The following CCDC112 variants were observed in gnomAD, a reference collection of about 807,000 sequenced individuals.
CCDC112 encodes coiled-coil domain-containing protein 112.
A neutral mutation model predicts 66.3 loss-of-function variants in CCDC112; 40 were observed. That is an observed-to-expected ratio of 0.60 (90% confidence interval 0.47 to 0.79). CCDC112 has a LOEUF of 0.79. Among genes scored for constraint, CCDC112 ranks in the 30% least tolerant of loss-of-function variants. The probability of loss-of-function intolerance (pLI) is 0.00; values close to 1 mark genes in which losing one functional copy is unlikely to be tolerated. For synonymous variants in CCDC112, 214 were observed against 197.2 expected, an observed-to-expected ratio of 1.09 and a Z score of -0.71; for missense variants, 659 against 603.8, an observed-to-expected ratio of 1.09 and a Z score of -0.96.
At chr5:115,281,148 CG>C (rs1749439308) in intron 2 of CCDC112, among the ~76,000 whole-genome samples, 1 of 151,924 alleles carries the variant, frequency 6.6e-6, no homozygotes, top group African/African-American at 2.4e-5. Context: ...CTCAGCCTCC[CG>C]AGTAACTGGG....
At position 115,275,977 on chromosome 5, in the gene CCDC112, A is replaced by G; in HGVS notation, c.527+17T>C. Reference sequence around the variant, plus strand: ...TAAAGGTCAATAATTTTATATTAAAATGAGTTTAAAACATACATCAACCTC... The same window carrying G: ...TAAAGGTCAATAATTTTATATTAAAGTGAGTTTAAAACATACATCAACCTC... On this transcript the variant is annotated intron_variant, in intron 5 of 9. Transcript: ENST00000379611. 6.6e-7 allele frequency: 1 copy of G among 1,522,292 alleles called. No homozygotes were observed. Among genetic ancestry groups the G allele is most frequent in the East Asian group, 2.3e-5 (1 of 43,930 alleles). 94.3% of individuals were successfully genotyped at this position (1,522,292 alleles called of 1,614,324 possible).
At chr5:115,290,874 G>GT (rs368552311) in intron 1 of CCDC112, among the ~76,000 whole-genome samples, 13 of 151,804 alleles carry the variant, frequency 8.6e-5, no homozygotes, top group African/African-American at 2.4e-4. Context: ...TTTCTAGTAA[G>GT]TTTTTTTTGT....
intron 9 of CCDC112, 95 bp from the exon 10 acceptor site, chr5:115,268,013 T>G: frequency 1.1e-6 from 1 of 902,714 alleles, no homozygotes; most frequent in Non-Finnish European, 1.8e-6. Flanking sequence ...AATATATATA[T>G]AACCTACCCT....
chr5:115,275,236 G>T lies in CCDC112; in HGVS notation c.898C>A (p.Leu300Ile), dbSNP rs1408645240. 2.5e-6 allele frequency: 4 copies of T among 1,607,144 alleles called. No individual in the cohort carries two copies. The highest frequency in any genetic ancestry group is 1.3e-5 in the African/African-American group (1 of 74,164). Reference protein sequence around the residue: ...HEKWYQKFLALEERKKESIQI... With the variant: ...HEKWYQKFLAIEERKKESIQI... ...ATTACCTCTTTTTTTCTTTCTTCTA[G>T]AGCCAGAAACTTTTGATACCATTTT... Residue 300 changes from leucine (L) to isoleucine (I), a missense_variant, in exon 6 of 10, where the codon CTA becomes ATA. Transcript: ENST00000379611.
In CCDC112 at chr5:115,291,745, T is replaced by C. The variant is rs188174202; in HGVS notation, c.117+4682A>G. ...TTGTTTGCCTCAGTATGTCTTAAAT[T>C]CTTCTTCAATCTTACAGAATAATTT... is the stretch of plus-strand genomic sequence containing the variant. On this transcript the variant is annotated intron_variant, in intron 1 of 9. Transcript: ENST00000379611. Among the ~76,000 whole-genome samples, 248 of 152,340 alleles carry C rather than the reference T, an allele frequency of 1.6e-3. 1 individual carries two copies. Among genetic ancestry groups the C allele is most frequent in the Admixed American group, 0.014 (209 of 15,308 alleles).
intron 1 of CCDC112, among the ~76,000 whole-genome samples, chr5:115,289,780 T>A (rs2127074233): frequency 6.6e-6 from 1 of 152,274 alleles, no homozygotes; most frequent in South Asian, 2.1e-4. Context: ...ACCTCCCCAG[T>A]TCAAGTGATC....
intron 3 of CCDC112, among the ~76,000 whole-genome samples, chr5:115,278,908 T>A (rs916682001): frequency 6.6e-6 from 1 of 152,172 alleles, no homozygotes; most frequent in Non-Finnish European, 1.5e-5. Context: ...AGTTATTTGA[T>A]AACCATTATT....
intron 1 of CCDC112, among the ~76,000 whole-genome samples, chr5:115,295,287 C>T (rs1475329522): frequency 6.6e-6 from 1 of 152,104 alleles, no homozygotes; most frequent in African/African-American, 2.4e-5. Context: ...CAGAACATTG[C>T]TACAAGAATT....
rs771555774 is a variant in CCDC112, at chr5:115,275,369, G to A, written c.765C>T (p.His255=). ...TGTTTCTCACCTTTACAAAGTTCTG[G>A]TGATCATAATCATCCCAGGCACCTT... The part of the protein sequence containing the change: ...GRQGAWDDYD[H]QNFVKVRNKH... Residue 255 remains histidine, a synonymous_variant, in exon 6 of 10, where the codon CAC becomes CAT. Transcript: ENST00000379611. 3 of 1,613,922 alleles carry A rather than the reference G, an allele frequency of 1.9e-6. No individual in the cohort carries two copies. Among genetic ancestry groups the A allele is most frequent in the Middle Eastern group, 1.6e-4 (1 of 6,062 alleles).
chr5:115,282,935 G>A (rs909263492), intron 2 of CCDC112, among the ~76,000 whole-genome samples: 1 of 152,098 alleles, frequency 6.6e-6, no homozygotes, highest in African/African-American at 2.4e-5. Flanking sequence ...CTTTCAGTGA[G>A]TTTTTCCAAT....
At chr5:115,290,917 T>C (rs769270268) in intron 1 of CCDC112, among the ~76,000 whole-genome samples, 1 of 152,102 alleles carries the variant, frequency 6.6e-6, no homozygotes, top group Non-Finnish European at 1.5e-5. Flanking sequence ...TTTTAATATA[T>C]ATTAGGTCAT....
intron 6 of CCDC112, among the ~76,000 whole-genome samples, chr5:115,274,488 T>C (rs190002312): frequency 3.5e-4 from 54 of 152,244 alleles, no homozygotes; most frequent in Admixed American, 3.2e-3. Flanking sequence ...CTCAAAGAAA[T>C]GTTTACTAGT....
chr5:115,275,862 A>G, intron 5 of CCDC112, 132 bp downstream of exon 5: 1 of 731,468 alleles, frequency 1.4e-6, no homozygotes, highest in Non-Finnish European at 2.2e-6. Flanking sequence ...GAAAACAAAA[A>G]AGATATTATA....
intron 3 of CCDC112, 119 bp from the exon 4 acceptor site, chr5:115,277,173 A>G: frequency 1.7e-6 from 1 of 598,134 alleles, no homozygotes; most frequent in East Asian, 2.9e-5. Flanking sequence ...AATAAAGAAC[A>G]AAAGATATTT....
chr5:115,286,724 A>T (rs906001791), intron 1 of CCDC112, among the ~76,000 whole-genome samples: 1 of 151,928 alleles, frequency 6.6e-6, no homozygotes, highest in Non-Finnish European at 1.5e-5. Context: ...CCAGCCTGGG[A>T]AACATAGCAA....
intron 3 of CCDC112, 148 bp downstream of exon 3, chr5:115,279,499 T>A (rs1234964848): frequency 3.8e-6 from 3 of 783,508 alleles, no homozygotes; most frequent in Admixed American, 3.1e-5. Flanking sequence ...TTTTACCAAC[T>A]AAAATACAGA....
rs1748784803 is a variant in CCDC112, at chr5:115,267,505, T to C, written c.*371A>G. On this transcript the variant is annotated 3_prime_UTR_variant, in exon 10 of 10. Coordinates refer to ENST00000379611, the MANE Select transcript of CCDC112 (RefSeq NM_001040440.3). ...CTCAAGCTAACTTAACTCCAAGTTATAAAAGTTACAAAATTTTGGTTTAAA... is the reference window on the plus strand; with the variant it reads ...CTCAAGCTAACTTAACTCCAAGTTACAAAAGTTACAAAATTTTGGTTTAAA... The C allele has an allele frequency of 6.0e-6, 1 of 166,810 alleles. No homozygotes were observed. The highest frequency in any genetic ancestry group is 2.4e-5 in the African/African-American group (1 of 41,754). 10.3% of individuals were successfully genotyped at this position (166,810 alleles called of 1,614,324 possible). A position where few individuals can be genotyped will look rare whatever the true frequency, so the allele number is the denominator to read the frequency against.
At chr5:115,270,637 T>C (rs1360108397) in intron 7 of CCDC112, among the ~76,000 whole-genome samples, 1 of 152,212 alleles carries the variant, frequency 6.6e-6, no homozygotes, top group African/African-American at 2.4e-5. Flanking sequence ...GCCTACATTA[T>C]GGTGGGGAAA....
chr5:115,288,374 A>G (rs919391491), intron 1 of CCDC112, among the ~76,000 whole-genome samples: 2 of 152,210 alleles, frequency 1.3e-5, no homozygotes, highest in African/African-American at 4.8e-5. Flanking sequence ...GTATCTTCAC[A>G]TGTTGATAAG....
Sources: gnomAD v4.1 joint callset for allele counts (sites outside exome capture counted in the v4.1 genomes callset) on GRCh38, gnomAD v4.1.1 for gene constraint, MANE v1.5 for transcripts, NCBI Gene and HGNC (gene_info 2026-07-23, HGNC 2026-07-21) for gene names.